Variants in RHBDD1 observed in about 807,000 individuals in gnomAD.
RHBDD1 encodes the protein rhomboid-related protein 4.
In RHBDD1, 38 loss-of-function variants were observed where a neutral mutation model predicts 36.3. The observed-to-expected ratio is 1.05, with a 90% CI of 0.81 to 1.37. The LOEUF (loss-of-function observed/expected upper bound fraction) is 1.37. Among genes scored for constraint, RHBDD1 ranks in the 40% most tolerant of loss-of-function variants. The pLI is 0.00. For synonymous variants in RHBDD1, 151 were observed against 136.5 expected, an observed-to-expected ratio of 1.11 and a Z score of -0.74; for missense variants, 393 against 377.6, an observed-to-expected ratio of 1.04 and a Z score of -0.34.
At chr2:226,993,672 C>G (rs1958768452) in intron 8 of RHBDD1, among the ~76,000 whole-genome samples, 1 of 152,110 alleles carries the variant, frequency 6.6e-6, no homozygotes, top group Non-Finnish European at 1.5e-5. Context: ...CTCCCATGCT[C>G]TCAACAGGAA....
intron 8 of RHBDD1, among the ~76,000 whole-genome samples, chr2:226,946,297 C>G (rs1950990029): frequency 6.6e-6 from 1 of 152,052 alleles, no homozygotes; most frequent in African/African-American, 2.4e-5. Flanking sequence ...ATGTTTAAGT[C>G]TTTAATCCAT....
intron 8 of RHBDD1, among the ~76,000 whole-genome samples, chr2:226,952,891 G>A (rs1951530343): frequency 6.6e-6 from 1 of 152,062 alleles, no homozygotes; most frequent in Non-Finnish European, 1.5e-5. Context: ...GCTAACCAAA[G>A]AGAAGGGCAG....
chr2:226,993,203 T>A (rs903901606), intron 8 of RHBDD1, among the ~76,000 whole-genome samples: 1 of 152,362 alleles, frequency 6.6e-6, no homozygotes, highest in Non-Finnish European at 1.5e-5. Flanking sequence ...TGCGGGCTTT[T>A]TCTTTTGAAG....
At chr2:226,820,651 A>T in the RHBDD1 span, among the ~76,000 whole-genome samples, 1 of 146,450 alleles carries the variant, frequency 6.8e-6, no homozygotes. Flanking sequence ...CCACAAAAAA[A>T]AAAAAAAAAA....
intron 5 of RHBDD1, among the ~76,000 whole-genome samples, chr2:226,886,154 A>G (rs539965269): frequency 1.3e-5 from 2 of 152,226 alleles, no homozygotes; most frequent in East Asian, 3.9e-4. Flanking sequence ...TATTTTTACA[A>G]CCCTTAACTT....
the RHBDD1 span, chr2:226,808,396 T>C: frequency 1.3e-5 from 2 of 152,250 alleles, no homozygotes; most frequent in African/African-American, 2.4e-5. Flanking sequence ...TAGGATTCTA[T>C]GGGCCAGGAA....
chr2:226,981,692 C>T (rs1955805910), intron 8 of RHBDD1, among the ~76,000 whole-genome samples: 1 of 152,152 alleles, frequency 6.6e-6, no homozygotes, highest in Non-Finnish European at 1.5e-5. Context: ...GGTTAAATGC[C>T]ATCAAATACA....
At chr2:226,907,121 A>G in intron 6 of RHBDD1, 1 of 578,612 alleles carries the variant, frequency 1.7e-6, no homozygotes, top group Non-Finnish European at 3.1e-6. Flanking sequence ...ATCAGTATAT[A>G]TTTATACCCT....
chr2:226,907,151 A>T, intron 6 of RHBDD1: 1 of 514,028 alleles, frequency 1.9e-6, no homozygotes, highest in Admixed American at 3.3e-5. Context: ...TGCTACCCGC[A>T]GAAAACCACG....
At chr2:226,833,031 T>C (rs1940780735), upstream of RHBDD1, among the ~76,000 whole-genome samples, 1 of 152,228 alleles carries the variant, frequency 6.6e-6, no homozygotes, top group African/African-American at 2.4e-5. Context: ...CTGTTTCATC[T>C]GATATTAGTA....
chr2:226,872,010 G>T (rs1320808726), intron 5 of RHBDD1, among the ~76,000 whole-genome samples: 2 of 152,156 alleles, frequency 1.3e-5, no homozygotes, highest in Non-Finnish European at 2.9e-5. Context: ...TGTCTGGATT[G>T]TTTATTTTAG....
intron 5 of RHBDD1, among the ~76,000 whole-genome samples, chr2:226,875,455 G>A (rs1490403365): frequency 1.3e-5 from 2 of 152,150 alleles, no homozygotes; most frequent in Non-Finnish European, 2.9e-5. Flanking sequence ...TGAGATCCTT[G>A]TTAAATGTTG....
chr2:226,818,645 C>A, the RHBDD1 span, among the ~76,000 whole-genome samples: 2 of 151,554 alleles, frequency 1.3e-5, no homozygotes, highest in African/African-American at 4.8e-5. Flanking sequence ...TTGAAACCAG[C>A]CTGGCCAACA....
chr2:226,933,854 ATACTATT>A (rs1175184784), intron 8 of RHBDD1, among the ~76,000 whole-genome samples: 2 of 152,280 alleles, frequency 1.3e-5, no homozygotes, highest in African/African-American at 4.8e-5. Context: ...CATTTCTTGC[ATACTATT>A]TATCAATTTT....
At chr2:226,802,200 T>A in the RHBDD1 span, among the ~76,000 whole-genome samples, 6 of 152,268 alleles carry the variant, frequency 3.9e-5, no homozygotes, top group African/African-American at 1.4e-4. Context: ...AAAAAATATA[T>A]CTCTCAGTGT....
At chr2:226,898,528 T>G (rs10197757) in intron 5 of RHBDD1, among the ~76,000 whole-genome samples, 64,429 of 151,926 alleles carry the variant, frequency 0.42, 13,780 homozygotes, top group South Asian at 0.5. Context: ...GTTTTACTTC[T>G]GAGGACAAAG....
intron 8 of RHBDD1, among the ~76,000 whole-genome samples, chr2:226,940,209 A>T (rs981290587): frequency 1.3e-5 from 2 of 152,190 alleles, no homozygotes; most frequent in Non-Finnish European, 2.9e-5. Flanking sequence ...GGCTGGTGCA[A>T]TACCTCAGGC....
intron 3 of RHBDD1, among the ~76,000 whole-genome samples, chr2:226,854,241 T>C (rs1247769586): frequency 6.6e-6 from 1 of 152,124 alleles, no homozygotes; most frequent in Non-Finnish European, 1.5e-5. Context: ...AGGTGGTCCT[T>C]ATTATTATTT....
At chr2:226,881,285 C>T (rs1363717671) in intron 5 of RHBDD1, among the ~76,000 whole-genome samples, 1 of 152,210 alleles carries the variant, frequency 6.6e-6, no homozygotes, top group Non-Finnish European at 1.5e-5. Flanking sequence ...TGGGTGGGGA[C>T]ACAAAGCCTA....
Sources: allele counts gnomAD v4.1 joint callset (sites outside exome capture counted in the v4.1 genomes callset), GRCh38; gene constraint gnomAD v4.1.1; transcripts MANE v1.5; gene names NCBI Gene and HGNC (gene_info 2026-07-23, HGNC 2026-07-21).